The following RBFOX1 variants were observed in gnomAD, a reference collection of about 807,000 sequenced individuals.
RBFOX1 encodes RNA binding protein fox-1 homolog 1.
RBFOX1 carries 8 observed loss-of-function variants against 57.7 expected under a neutral mutation model. The ratio of observed to expected loss-of-function variants is 0.14; its 90% CI spans 0.08 to 0.25. The LOEUF (loss-of-function observed/expected upper bound fraction) is 0.25, where lower values mean the gene tolerates loss of function less well. Among genes scored for constraint, RBFOX1 ranks in the 10% least tolerant of loss-of-function variants. The pLI is 1.00. For missense variants in RBFOX1, 611 were observed against 548.5 expected, an observed-to-expected ratio of 1.11 and a Z score of -1.14; for synonymous variants, 326 against 222.4, an observed-to-expected ratio of 1.47 and a Z score of -4.15.
chr16:6,981,434 C>G (rs991676853), intron 3 of RBFOX1, among the ~76,000 whole-genome samples: 2 of 152,178 alleles, frequency 1.3e-5, no homozygotes, highest in Admixed American at 6.5e-5. Flanking sequence ...CTTATTCTTA[C>G]TTTTGGATGC....
intron 3 of RBFOX1, among the ~76,000 whole-genome samples, chr16:5,631,446 A>C (rs1188598271): frequency 1.3e-5 from 2 of 151,860 alleles, no homozygotes; most frequent in African/African-American, 4.8e-5. Flanking sequence ...AGTCCCAGCT[A>C]CTCGGGAGGC....
chr16:6,171,603 T>A (rs1259899599), intron 1 of RBFOX1, among the ~76,000 whole-genome samples: 2 of 152,122 alleles, frequency 1.3e-5, no homozygotes, highest in Non-Finnish European at 2.9e-5. Flanking sequence ...CTTAGAGGGT[T>A]AAAAAGCATA....
At chr16:7,397,981 A>G (rs1005555055) in intron 4 of RBFOX1, among the ~76,000 whole-genome samples, 2 of 152,198 alleles carry the variant, frequency 1.3e-5, no homozygotes, top group East Asian at 1.9e-4. Context: ...TAAACCACCA[A>G]GACATCTAAG....
At chr16:5,608,634 TATTG>T (rs1367973711) in intron 3 of RBFOX1, among the ~76,000 whole-genome samples, 5 of 152,338 alleles carry the variant, frequency 3.3e-5, no homozygotes, top group Admixed American at 6.5e-5. Context: ...TAATTATTAT[TATTG>T]ATTATTTCAG....
At chr16:7,159,536 C>T (rs2077848363) in intron 4 of RBFOX1, among the ~76,000 whole-genome samples, 1 of 152,176 alleles carries the variant, frequency 6.6e-6, no homozygotes. Context: ...ACTATAGCTT[C>T]CATGGCAGAA....
intron 3 of RBFOX1, among the ~76,000 whole-genome samples, chr16:5,723,019 T>G (rs574958845): frequency 6.6e-6 from 1 of 152,212 alleles, no homozygotes; most frequent in Admixed American, 6.5e-5. Context: ...AGGCTCTCAG[T>G]TGTGGTGGTG....
chr16:5,349,491 T>C (rs1225571284), intron 1 of RBFOX1, among the ~76,000 whole-genome samples: 1 of 152,116 alleles, frequency 6.6e-6, no homozygotes, highest in Non-Finnish European at 1.5e-5. Flanking sequence ...CTGGCCAACA[T>C]GGCGATCCTA....
At chr16:6,842,998 A>G (rs968740859) in intron 3 of RBFOX1, among the ~76,000 whole-genome samples, 3 of 152,082 alleles carry the variant, frequency 2.0e-5, no homozygotes, top group African/African-American at 7.2e-5. Context: ...AAAGGATATG[A>G]TCTCATTCTT....
chr16:7,386,377 C>T (rs1216908253), intron 4 of RBFOX1, among the ~76,000 whole-genome samples: 1 of 151,792 alleles, frequency 6.6e-6, no homozygotes, highest in African/African-American at 2.4e-5. Context: ...AGCTATACCC[C>T]CCAGCCCCCA....
intron 3 of RBFOX1, among the ~76,000 whole-genome samples, chr16:6,690,227 A>C (rs543997521): frequency 1.1e-4 from 16 of 152,184 alleles, no homozygotes; most frequent in African/African-American, 1.7e-4. Context: ...TTTAAAGAGC[A>C]TGACTCTCTA....
intron 4 of RBFOX1, among the ~76,000 whole-genome samples, chr16:5,878,010 A>G (rs2057659995): frequency 6.6e-6 from 1 of 152,230 alleles, no homozygotes; most frequent in South Asian, 2.1e-4. Flanking sequence ...CACTTGCTCT[A>G]GAACCAGTAA....
In RBFOX1 at chr16:5,539,719, C is replaced by G. The variant is rs2044855727; in HGVS notation, c.259-59183C>G. ...AGAATTTTTTCCCGTTTTTCATCTC[C>G]CTCCCCCACACCATTGTGTTCTCAT... On this transcript the variant is annotated intron_variant, in intron 2 of 2. Transcript: ENST00000585867. Among the ~76,000 whole-genome samples the G allele has an allele frequency of 2.0e-5, 3 of 152,250 alleles. No homozygotes were observed. In the South Asian group the frequency reaches 6.2e-4, roughly 32 times the overall value.
intron 2 of RBFOX1, among the ~76,000 whole-genome samples, chr16:5,549,178 A>G (rs1292820083): frequency 6.6e-6 from 1 of 152,204 alleles, no homozygotes; most frequent in African/African-American, 2.4e-5. Context: ...TTCCTGAGGC[A>G]GCCATGAGCA....
chr16:7,035,542 G>T (rs1023198740), intron 3 of RBFOX1, among the ~76,000 whole-genome samples: 3 of 152,134 alleles, frequency 2.0e-5, no homozygotes, highest in African/African-American at 7.2e-5. Context: ...GTTTCTTTCT[G>T]AACGCTACTT....
intron 2 of RBFOX1, among the ~76,000 whole-genome samples, chr16:6,630,928 T>TA (rs1357595541): frequency 5.3e-5 from 8 of 151,934 alleles, no homozygotes; most frequent in South Asian, 4.2e-4. Flanking sequence ...TAGACTTCAA[T>TA]TAAAAAAATG....
At chr16:6,826,877 G>T (rs1005071145) in intron 3 of RBFOX1, among the ~76,000 whole-genome samples, 2 of 152,164 alleles carry the variant, frequency 1.3e-5, no homozygotes, top group African/African-American at 4.8e-5. Flanking sequence ...GTTTCCGTAT[G>T]ATGAATAAGA....
At chr16:5,392,969 C>G (rs1160974404) in intron 1 of RBFOX1, among the ~76,000 whole-genome samples, 2 of 151,988 alleles carry the variant, frequency 1.3e-5, no homozygotes. Context: ...TTATGGAGCC[C>G]TAGGGAGGTG....
At chr16:7,142,903 C>G (rs8060891) in intron 4 of RBFOX1, among the ~76,000 whole-genome samples, 10 of 124,970 alleles carry the variant, frequency 8.0e-5, no homozygotes, top group Non-Finnish European at 1.4e-4. Context: ...GCAGACACAT[C>G]TGCAGAGTAT....
intron 2 of RBFOX1, among the ~76,000 whole-genome samples, chr16:6,644,602 G>T (rs2098518539): frequency 6.6e-6 from 1 of 152,158 alleles, no homozygotes; most frequent in Non-Finnish European, 1.5e-5. Flanking sequence ...GAACAATGCT[G>T]TGCCCAGGAT....
Sources: gnomAD v4.1 joint callset for allele counts (sites outside exome capture counted in the v4.1 genomes callset) on GRCh38, gnomAD v4.1.1 for gene constraint, MANE v1.5 for transcripts, NCBI Gene and HGNC (gene_info 2026-07-23, HGNC 2026-07-21) for gene names.